UGGT2: variants seen among roughly 807,000 people sequenced by gnomAD.
UGGT2 encodes the protein UDP-glucose glycoprotein glucosyltransferase 2, also known as UDP-glucose:glycoprotein glucosyltransferase 2.
In UGGT2, 180 loss-of-function variants were observed where a neutral mutation model predicts 192.1. The observed-to-expected ratio is 0.94, with a 90% CI of 0.83 to 1.06. The LOEUF is 1.06. UGGT2 is among the 50% of genes least tolerant of loss of function. The probability of loss-of-function intolerance (pLI) is 0.00; values close to 1 mark genes in which losing one functional copy is unlikely to be tolerated. For synonymous variants in UGGT2, 580 were observed against 591.0 expected, an observed-to-expected ratio of 0.98 and a Z score of 0.27; for missense variants, 1,849 against 1,795.7, an observed-to-expected ratio of 1.03 and a Z score of -0.54.
intron 12 of UGGT2, among the ~76,000 whole-genome samples, chr13:95,968,198 G>A (rs1417142575): frequency 6.6e-6 from 1 of 151,558 alleles, no homozygotes; most frequent in Non-Finnish European, 1.5e-5. Flanking sequence ...ATTCATTTAG[G>A]GAATATTTAT....
intron 4 of UGGT2, among the ~76,000 whole-genome samples, chr13:96,015,145 G>A (rs1044803164): frequency 2.0e-5 from 3 of 151,976 alleles, no homozygotes; most frequent in African/African-American, 7.3e-5. Flanking sequence ...GGGCGTGGTG[G>A]CAGACGCCTG....
At chr13:95,825,227 T>C (rs927730265) in intron 38 of UGGT2, among the ~76,000 whole-genome samples, 1 of 152,098 alleles carries the variant, frequency 6.6e-6, no homozygotes, top group East Asian at 1.9e-4. Flanking sequence ...ATTTACTGAG[T>C]TGATGGTTCA....
chr13:95,853,679 TG>T, intron 35 of UGGT2, 22 bp from the exon 36 acceptor site: 3 of 1,502,752 alleles, frequency 2.0e-6, no homozygotes, highest in South Asian at 2.6e-5. Context: ...AATTACTTCT[TG>T]ATAGCCTATG....
At chr13:95,977,313 T>A (rs1162292524) in intron 10 of UGGT2, among the ~76,000 whole-genome samples, 1 of 151,876 alleles carries the variant, frequency 6.6e-6, no homozygotes, top group Non-Finnish European at 1.5e-5. Context: ...CTGACAAAGG[T>A]CTAATATCCA....
chr13:95,907,144 C>G (rs1339756153), intron 20 of UGGT2, among the ~76,000 whole-genome samples: 1 of 152,222 alleles, frequency 6.6e-6, no homozygotes, highest in Non-Finnish European at 1.5e-5. Context: ...ACCCACGGAG[C>G]CTTGCTCACT....
At chr13:96,035,154 A>T (rs1014753373) in intron 1 of UGGT2, among the ~76,000 whole-genome samples, 5 of 152,214 alleles carry the variant, frequency 3.3e-5, no homozygotes, top group African/African-American at 1.2e-4. Context: ...ATGCTACCTA[A>T]CTTCAAACTA....
chr13:95,832,619 T>C (rs986484440), intron 38 of UGGT2: 4 of 396,330 alleles, frequency 1.0e-5, no homozygotes, highest in African/African-American at 2.1e-5. Context: ...GGAAATTCAG[T>C]GCAATCTTAA....
intron 38 of UGGT2, among the ~76,000 whole-genome samples, chr13:95,823,342 CT>C (rs1885689037): frequency 6.6e-6 from 1 of 152,042 alleles, no homozygotes; most frequent in Non-Finnish European, 1.5e-5. Flanking sequence ...CTGTCTCAAT[CT>C]ATTTAGTGCT....
chr13:96,015,914 AT>A (rs2052323824), intron 4 of UGGT2, among the ~76,000 whole-genome samples: 1 of 152,106 alleles, frequency 6.6e-6, no homozygotes, highest in Non-Finnish European at 1.5e-5. Context: ...CTCACTCAAT[AT>A]TTTTCAGCAT....
chr13:95,832,859 T>C, intron 38 of UGGT2, 68 bp downstream of exon 38: 1 of 1,572,446 alleles, frequency 6.4e-7, no homozygotes, highest in Non-Finnish European at 8.7e-7. Context: ...AAGAAATGAG[T>C]CTGTAGTCTA....
intron 12 of UGGT2, 82 bp downstream of exon 12, chr13:95,970,030 A>G (rs553302571): frequency 3.6e-6 from 5 of 1,387,672 alleles, no homozygotes; most frequent in Non-Finnish European, 5.0e-6. Flanking sequence ...GACATTTATC[A>G]TCAGGCCTGC....
At chr13:95,997,507 G>A (rs1042674375) in intron 6 of UGGT2, among the ~76,000 whole-genome samples, 3 of 152,094 alleles carry the variant, frequency 2.0e-5, no homozygotes, top group Non-Finnish European at 4.4e-5. Flanking sequence ...GCCAGGTATG[G>A]TGGCAGGCGC....
chr13:95,804,322 A>G (rs1167697019), intron 38 of UGGT2, among the ~76,000 whole-genome samples: 1 of 152,148 alleles, frequency 6.6e-6, no homozygotes. Context: ...ACACAAATAA[A>G]TGGAAAGACA....
chr13:95,957,604 G>A (rs1230871151), intron 12 of UGGT2, among the ~76,000 whole-genome samples: 1 of 152,196 alleles, frequency 6.6e-6, no homozygotes, highest in Non-Finnish European at 1.5e-5. Context: ...GCAGAGTGTG[G>A]GGACAATGGG....
intron 38 of UGGT2, chr13:95,809,384 G>T: frequency 2.5e-6 from 1 of 403,366 alleles, no homozygotes; most frequent in Non-Finnish European, 4.9e-6. Context: ...ATTTTCTGCA[G>T]GCAAATCTTC....
intron 15 of UGGT2, among the ~76,000 whole-genome samples, chr13:95,945,576 G>A (rs993984298): frequency 2.0e-5 from 3 of 152,004 alleles, no homozygotes; most frequent in African/African-American, 7.2e-5. Context: ...TTACAAAACA[G>A]AGATTCAATA....
chr13:96,022,947 A>C, intron 4 of UGGT2, 93 bp downstream of exon 4: 1 of 769,498 alleles, frequency 1.3e-6, no homozygotes, highest in Non-Finnish European at 1.9e-6. Flanking sequence ...ACAATGTCTT[A>C]GAATATTAAA....
intron 20 of UGGT2, among the ~76,000 whole-genome samples, chr13:95,914,540 T>A (rs1594314055): frequency 7.1e-6 from 1 of 141,232 alleles, no homozygotes; most frequent in African/African-American, 2.6e-5. Flanking sequence ...TTTGGGAGGC[T>A]GAGGCAGGTG....
chr13:95,918,073 AACAGAATAT>A (rs1322976818), intron 20 of UGGT2, among the ~76,000 whole-genome samples: 1 of 152,228 alleles, frequency 6.6e-6, no homozygotes, highest in Admixed American at 6.5e-5. Context: ...ACCAAAACCC[AACAGAATAT>A]ACATTCTTCT....
Sources: gnomAD v4.1 joint callset for allele counts (sites outside exome capture counted in the v4.1 genomes callset) on GRCh38, gnomAD v4.1.1 for gene constraint, MANE v1.5 for transcripts, NCBI Gene and HGNC (gene_info 2026-07-23, HGNC 2026-07-21) for gene names.